The following TNFRSF10A variants were observed in gnomAD, a reference collection of about 807,000 sequenced individuals.
TNFRSF10A encodes tumor necrosis factor receptor superfamily member 10A.
In TNFRSF10A, 44 loss-of-function variants were observed where a neutral mutation model predicts 42.8. That is an observed-to-expected ratio of 1.03 (90% CI 0.81 to 1.32). The LOEUF is 1.32. Among genes scored for constraint, TNFRSF10A ranks in the 40% most tolerant of loss-of-function variants. The pLI, the probability that TNFRSF10A is intolerant of heterozygous loss-of-function variation, is 0.00. For synonymous variants in TNFRSF10A, 259 were observed against 234.2 expected (o/e 1.11, Z -0.97); for missense variants, 680 against 602.0 (o/e 1.13, Z -1.36).
chr8:23,212,160 G>A lies in TNFRSF10A; in HGVS notation c.359C>T (p.Thr120Ile). The change falls in exon 2 of 10, where the codon ACA becomes ATA. Residue 120 changes from threonine to isoleucine, a missense_variant. Physicochemically the swap from Thr to Ile is moderately conservative, Grantham distance 89. Transcript: ENST00000221132. Reference sequence around the variant, plus strand: ...CAAAGGGCTATGTTCCCATTGCTGTGTGCCAATTGATTGATCATGAAGTTT... The same window carrying A: ...CAAAGGGCTATGTTCCCATTGCTGTATGCCAATTGATTGATCATGAAGTTT... Reference protein sequence around the residue: ...TIKLHDQSIGTQQWEHSPLGE... With the variant: ...TIKLHDQSIGIQQWEHSPLGE... 1 of 1,613,944 alleles carries A rather than the reference G, an allele frequency of 6.2e-7. No individual in the cohort carries two copies. The highest frequency in any genetic ancestry group is 1.1e-5 in the South Asian group (1 of 91,080).
At chr8:23,218,312 A>AT (rs1801213115) in intron 1 of TNFRSF10A, among the ~76,000 whole-genome samples, 1 of 151,964 alleles carries the variant, frequency 6.6e-6, no homozygotes, top group African/African-American at 2.4e-5. Flanking sequence ...TTCCTCTCGG[A>AT]TTAGCATTGT....
chr8:23,202,375 C>T (rs996196978), intron 3 of TNFRSF10A, among the ~76,000 whole-genome samples: 6 of 152,242 alleles, frequency 3.9e-5, no homozygotes, highest in African/African-American at 1.4e-4. Context: ...CGTACCACCG[C>T]TGAAACTCAG....
chr8:23,209,297 G>C (rs1353635438), intron 2 of TNFRSF10A, among the ~76,000 whole-genome samples: 1 of 152,270 alleles, frequency 6.6e-6, no homozygotes, highest in Non-Finnish European at 1.5e-5. Flanking sequence ...TGCTAGGGCA[G>C]TGTGGAAGGG....
rs1285430637 is a variant in TNFRSF10A at position 23,191,867 on chromosome 8, G to A, written c.1234C>T (p.Leu412=). The change falls in exon 10 of 10, where the codon CTG becomes TTG. Residue 412 remains leucine (L), a synonymous_variant. Transcript: ENST00000221132. ...CCAGTTTTGTTGACCCATTTCATCA[G>A]CATTGCATACAAGGCATCCCCTGGG... ...AGPGDALYAM[L]MKWVNKTGRN... The A allele has an allele frequency of 6.2e-7, 1 of 1,613,956 alleles. No homozygotes were observed. Among genetic ancestry groups the A allele is most frequent in the African/African-American group, 1.3e-5 (1 of 74,894 alleles).
chr8:23,206,224 G>A (rs986638608), intron 2 of TNFRSF10A, among the ~76,000 whole-genome samples: 3 of 152,016 alleles, frequency 2.0e-5, no homozygotes, highest in African/African-American at 7.3e-5. Flanking sequence ...ATAGTTACAC[G>A]AAGTTAATAT....
At chr8:23,216,069 C>T (rs1413928022) in intron 1 of TNFRSF10A, among the ~76,000 whole-genome samples, 3 of 152,126 alleles carry the variant, frequency 2.0e-5, no homozygotes, top group Non-Finnish European at 4.4e-5. Flanking sequence ...TCGCCTGCCT[C>T]GGCCTCCCAA....
intron 2 of TNFRSF10A, among the ~76,000 whole-genome samples, chr8:23,204,360 T>A (rs1033570121): frequency 1.3e-5 from 2 of 152,148 alleles, no homozygotes; most frequent in Non-Finnish European, 2.9e-5. Flanking sequence ...TAAAGTTAAC[T>A]ATATGAAAAT....
chr8:23,201,938 G>T lies in TNFRSF10A; in HGVS notation c.518-19C>A, dbSNP rs557465066. On this transcript the variant is annotated intron_variant, in intron 3 of 9. Transcript: ENST00000221132. ...TCTTCATCTGATGACAGAGTACAAG[G>T]TTTTGGGAATGTGTTTCCCTGACGT... 2 of 1,610,674 alleles carry T rather than the reference G, an allele frequency of 1.2e-6. No individual in the cohort carries two copies. Among genetic ancestry groups the T allele is most frequent in the African/African-American group, 1.3e-5 (1 of 74,970 alleles).
chr8:23,212,414 C>T (rs557921649), intron 1 of TNFRSF10A, among the ~76,000 whole-genome samples: 1 of 152,362 alleles, frequency 6.6e-6, no homozygotes, highest in Non-Finnish European at 1.5e-5. Context: ...TACCATTCTA[C>T]TGTCTGTTTC....
At chr8:23,202,365 C>G (rs930454216) in intron 3 of TNFRSF10A, among the ~76,000 whole-genome samples, 2 of 152,322 alleles carry the variant, frequency 1.3e-5, no homozygotes, top group South Asian at 2.1e-4. Context: ...AGAGCAGACC[C>G]GTACCACCGC....
chr8:23,217,298 C>T (rs1236034333), intron 1 of TNFRSF10A, among the ~76,000 whole-genome samples: 1 of 152,116 alleles, frequency 6.6e-6, no homozygotes, highest in East Asian at 1.9e-4. Context: ...TCACTGCAAC[C>T]TCCGAATCCC....
chr8:23,202,002 C>G lies in TNFRSF10A; in HGVS notation c.518-83G>C, dbSNP rs539880775. 5 of 1,224,232 alleles carry G rather than the reference C, an allele frequency of 4.1e-6. No homozygotes were observed. In the Admixed American group the frequency reaches 7.7e-5, roughly 19 times the overall value. The allele number at this position is 1,224,232 out of a possible 1,614,324, so 75.8% of individuals were successfully genotyped here. On this transcript the variant is annotated intron_variant, in intron 3 of 9. Coordinates refer to ENST00000221132, the MANE Select transcript of TNFRSF10A (RefSeq NM_003844.4). ...TCCTCACCACCCCAACTCCCTCCCC[C>G]TCAGCTCAGCTCAACTCAGTTTGCC...
intron 2 of TNFRSF10A, 114 bp downstream of exon 2, chr8:23,212,002 C>T: frequency 1.0e-6 from 1 of 952,482 alleles, no homozygotes; most frequent in Non-Finnish European, 1.6e-6. Context: ...AAACAGAAAA[C>T]TTGAAGAACA....
At chr8:23,210,288 G>C (rs994358891) in intron 2 of TNFRSF10A, among the ~76,000 whole-genome samples, 2 of 152,144 alleles carry the variant, frequency 1.3e-5, no homozygotes, top group African/African-American at 4.8e-5. Flanking sequence ...GACCAGAAAA[G>C]GACCTCATAA....
At chr8:23,223,308 G>T (rs112736091) in intron 1 of TNFRSF10A, among the ~76,000 whole-genome samples, 125 of 151,952 alleles carry the variant, frequency 8.2e-4, no homozygotes, top group African/African-American at 2.9e-3. Flanking sequence ...CTCGTGATCC[G>T]CCCGCCTCGG....
intron 2 of TNFRSF10A, 80 bp downstream of exon 2, chr8:23,212,036 A>G: frequency 7.8e-7 from 1 of 1,277,680 alleles, no homozygotes; most frequent in South Asian, 1.3e-5. Flanking sequence ...TTATTGATGA[A>G]TTTTGAGATA....
chr8:23,191,886 C>A lies in TNFRSF10A; in HGVS notation c.1215G>T (p.Gly405=), dbSNP rs1296346528. Residue 405 remains glycine (G), a synonymous_variant, in exon 10 of 10, where the codon GGG becomes GGT. Coordinates refer to ENST00000221132, the MANE Select transcript of TNFRSF10A (RefSeq NM_003844.4). ...TCATCAGCATTGCATACAAGGCATC[C>A]CCTGGGCCTGCTGTACCAGCTCTGA... The part of the protein sequence containing the change: ...DVVRAGTAGP[G]DALYAMLMKW... 1.2e-6 allele frequency: 2 copies of A among 1,614,118 alleles called. No homozygotes were observed. Among genetic ancestry groups the A allele is most frequent in the Non-Finnish European group, 1.7e-6 (2 of 1,180,028 alleles).
At chr8:23,195,041 C>T (rs1333829621) in intron 9 of TNFRSF10A, among the ~76,000 whole-genome samples, 1 of 152,140 alleles carries the variant, frequency 6.6e-6, no homozygotes, top group Non-Finnish European at 1.5e-5. Flanking sequence ...CACCTGTGGT[C>T]CCAGCTACTC....
chr8:23,210,126 C>T (rs1182745905), intron 2 of TNFRSF10A, among the ~76,000 whole-genome samples: 1 of 152,210 alleles, frequency 6.6e-6, no homozygotes, highest in African/African-American at 2.4e-5. Context: ...ATGTGACTTG[C>T]TCTTCCTTGT....
Sources: allele counts gnomAD v4.1 joint callset (sites outside exome capture counted in the v4.1 genomes callset), GRCh38; gene constraint gnomAD v4.1.1; transcripts MANE v1.5; gene names NCBI Gene and HGNC (gene_info 2026-07-23, HGNC 2026-07-21).